The following SCN4A variants were observed in gnomAD, a reference collection of about 807,000 sequenced individuals.
SCN4A encodes the protein sodium channel protein type 4 subunit alpha.
SCN4A carries 83 observed loss-of-function variants against 162.0 expected under a neutral mutation model. That is an observed-to-expected ratio of 0.51 (90% CI 0.43 to 0.61). SCN4A has a LOEUF of 0.61. Among genes scored for constraint, SCN4A ranks in the 20% least tolerant of loss-of-function variants. The probability of loss-of-function intolerance (pLI) is 0.00; values close to 1 mark genes in which losing one functional copy is unlikely to be tolerated. For synonymous variants in SCN4A, 944 were observed against 985.1 expected, an observed-to-expected ratio of 0.96 and a Z score of 0.78; for missense variants, 2,196 against 2,462.5, an observed-to-expected ratio of 0.89 and a Z score of 2.29.
At position 63,951,327 on chromosome 17, in the gene SCN4A, C is replaced by T; in HGVS notation, c.2853+97G>A. The stretch of plus-strand genomic sequence containing the variant: ...GCCATAGGGCACCACCCCCATTTTA[C>T]AGCTGGAGAAACTGAGGCTCAGAGA... On this transcript the variant is annotated intron_variant, in intron 14 of 23. Transcript: ENST00000435607. This position sits in a 1 kb window ranked among gnomAD's most constrained non-coding sequence, Gnocchi z 4.5. 1 of 837,254 alleles carries T rather than the reference C, an allele frequency of 1.2e-6. No homozygotes were observed. The highest frequency in any genetic ancestry group is 1.9e-6 in the Non-Finnish European group (1 of 536,584). The allele number at this position is 837,254 out of a possible 1,614,324, so 51.9% of individuals were successfully genotyped here. A position where few individuals can be genotyped will look rare whatever the true frequency, so the allele number is the denominator to read the frequency against.
At chr17:63,947,400 G>A (rs1410687782) in intron 17 of SCN4A, among the ~76,000 whole-genome samples, 1 of 148,934 alleles carries the variant, frequency 6.7e-6, no homozygotes, top group African/African-American at 2.5e-5. Flanking sequence ...CTGTGAGTAG[G>A]AGGGATGGTA....
rs572380012 is a variant in SCN4A, at chr17:63,942,913, C to T, written c.4201G>A (p.Val1401Met). The T allele has an allele frequency of 1.3e-4, 210 of 1,614,016 alleles. 2 individuals carry two copies. The South Asian group carries it at 2.0e-3, about 15-fold the overall frequency. Residue 1401 changes from valine (V) to methionine (M), a missense_variant, in exon 23 of 24, where the codon GTG (valine) becomes ATG (methionine). Val to Met is a conservative substitution (Grantham distance 21). Coordinates refer to ENST00000435607, the MANE Select transcript of SCN4A (RefSeq NM_000334.4). ...IFIIIFTGEC[V>M]LKMLALRQYY... ...TGGCGCAGGGCGAGCATCTTGAGCA[C>T]GCACTCCCCTGTGAAGATGATGATG...
At chr17:63,961,093 C>A in intron 11 of SCN4A, 100 bp downstream of exon 11, 1 of 651,620 alleles carries the variant, frequency 1.5e-6, no homozygotes, top group Non-Finnish European at 2.6e-6. Flanking sequence ...CGCATGTGTC[C>A]CCCACCGTGC....
chr17:63,939,823 G>C lies in SCN4A; in HGVS notation c.*948C>G, dbSNP rs1316159885. ...GGGAGATGAGAAGGGAGATCTCTGA[G>C]GCTGGATGAGGCTCCTGGAGCCCTG... On this transcript the variant is annotated 3_prime_UTR_variant, in exon 24 of 24. Coordinates refer to ENST00000435607, the MANE Select transcript of SCN4A (RefSeq NM_000334.4). 6.6e-6 allele frequency: 1 copy of C among 152,288 alleles called. No homozygotes were observed. The highest frequency in any genetic ancestry group is 1.5e-5 in the Non-Finnish European group (1 of 68,104). 9.4% of individuals were successfully genotyped at this position (152,288 alleles called of 1,614,324 possible).
intron 13 of SCN4A, among the ~76,000 whole-genome samples, chr17:63,952,176 C>T (rs953023563): frequency 1.3e-5 from 2 of 151,924 alleles, no homozygotes; most frequent in African/African-American, 4.8e-5. Flanking sequence ...CAGGAACTCT[C>T]TCCATGACTG....
In SCN4A at chr17:63,968,103, T is replaced by G. The variant is rs757691952; in HGVS notation, c.956A>C (p.Tyr319Ser). The stretch of plus-strand genomic sequence containing the variant: ...ATGGCTGTTCCACGTGTCGTTGGCA[T>G]ACCATGAGTCATTGCCGTACCACAT... ...NEMWYGNDSW[Y>S]ANDTWNSHAS... Residue 319 changes from tyrosine (Y) to serine (S), a missense_variant, in exon 6 of 24, where the codon TAT becomes TCT. Coordinates refer to ENST00000435607, the MANE Select transcript of SCN4A (RefSeq NM_000334.4). 1.2e-6 allele frequency: 2 copies of G among 1,613,826 alleles called. No homozygotes were observed. Among genetic ancestry groups the G allele is most frequent in the African/African-American group, 2.7e-5 (2 of 74,926 alleles).
Position 63,945,423 on chromosome 17 carries a change from G to A in SCN4A, c.3657C>T (p.Arg1219=), listed in dbSNP as rs1908683456. 2.5e-6 allele frequency: 4 copies of A among 1,613,942 alleles called. No individual in the cohort carries two copies. Among genetic ancestry groups the A allele is most frequent in the Non-Finnish European group, 3.4e-6 (4 of 1,179,840 alleles). ...CESLMHTGQV[R]WLNVKVNYDN... ...CGTAGTTGACCTTGACATTGAGCCA[G>A]CGGACCTGGCCTGTGTGCATGAGGC... is the stretch of plus-strand genomic sequence containing the variant. Residue 1219 remains arginine, a synonymous_variant, in exon 19 of 24, where the codon CGC becomes CGT. Transcript: ENST00000435607. The surrounding 1 kb of genome is among the most constrained non-coding windows in gnomAD (Gnocchi z 4.4).
At chr17:63,964,363 C>G in intron 9 of SCN4A, 105 bp downstream of exon 9, 2 of 1,003,386 alleles carry the variant, frequency 2.0e-6, no homozygotes, top group Non-Finnish European at 3.0e-6. Context: ...ACCCCTACCC[C>G]TGTACCCTCC....
chr17:63,943,007 G>C lies in SCN4A; in HGVS notation c.4107C>G (p.Thr1369=). The part of the protein sequence containing the change: ...IMILICLNMV[T]MMVETDNQSQ... ...TCTGGTTGTCTGTCTCCACCATCAT[G>C]GTGACCATGTTGAGGCAGATGAGGA... Residue 1369 remains threonine, a synonymous_variant, in exon 23 of 24, where the codon ACC becomes ACG. Transcript: ENST00000435607. 6.2e-7 allele frequency: 1 copy of C among 1,613,960 alleles called. No homozygotes were observed. The highest frequency in any genetic ancestry group is 8.5e-7 in the Non-Finnish European group (1 of 1,179,834).
chr17:63,964,465 G>T lies in SCN4A; in HGVS notation c.1452+3C>A. 6.2e-7 allele frequency: 1 copy of T among 1,613,570 alleles called. No homozygotes were observed. Among genetic ancestry groups the T allele is most frequent in the South Asian group, 1.1e-5 (1 of 91,014 alleles). On this transcript the variant is annotated splice_donor_region_variant and intron_variant, in intron 9 of 23. Transcript: ENST00000435607. ...CCTCTATCTCCTTTCCCTGAGTCCA[G>T]ACCTTCTCCAGCTCCTCCTGGTGCT... is the stretch of plus-strand genomic sequence containing the variant.
At position 63,945,777 on chromosome 17, in the gene SCN4A, G is replaced by A. The variant is rs1908698420; in HGVS notation, c.3442-139C>T. On this transcript the variant is annotated intron_variant, in intron 18 of 23. Coordinates refer to ENST00000435607, the MANE Select transcript of SCN4A (RefSeq NM_000334.4). The surrounding 1 kb of genome is among the most constrained non-coding windows in gnomAD (Gnocchi z 4.4). ...CTTCCTAGAGGAGGGCCGACCTGCTGGGCTGTGTGTGTGCAGGTTGGGGGT... is the reference window on the plus strand; with the variant it reads ...CTTCCTAGAGGAGGGCCGACCTGCTAGGCTGTGTGTGTGCAGGTTGGGGGT... 6.3e-6 allele frequency: 5 copies of A among 795,110 alleles called. No individual in the cohort carries two copies. Among genetic ancestry groups the A allele is most frequent in the Non-Finnish European group, 8.2e-6 (4 of 485,436 alleles). 49.3% of individuals were successfully genotyped at this position (795,110 alleles called of 1,614,324 possible).
Position 63,949,467 on chromosome 17 carries a change from G to A in SCN4A, c.2915C>T (p.Pro972Leu). The A allele has an allele frequency of 6.2e-7, 1 of 1,612,104 alleles. No homozygotes were observed. Among genetic ancestry groups the A allele is most frequent in the South Asian group, 1.1e-5 (1 of 90,660 alleles). ...SSVCSTADYK[P>L]PEEDPEEQAE... ...CTGCTCCTCAGGGTCCTCCTCGGGG[G>A]GCTTGTAGTCAGCTGTGCTGCAGAC... Residue 972 changes from proline to leucine, a missense_variant, in exon 15 of 24, where the codon CCC (proline) becomes CTC (leucine). Pro to Leu is a moderately conservative substitution (Grantham distance 98). Coordinates refer to ENST00000435607, the MANE Select transcript of SCN4A (RefSeq NM_000334.4).
Position 63,972,085 on chromosome 17 carries a change from G to C in SCN4A, c.482+51C>G, listed in dbSNP as rs950236691. 7.9e-6 allele frequency: 11 copies of C among 1,400,914 alleles called. No individual in the cohort carries two copies. The Admixed American group carries it at 2.0e-4, about 26-fold the overall frequency. 86.8% of individuals were successfully genotyped at this position (1,400,914 alleles called of 1,614,324 possible). On this transcript the variant is annotated intron_variant, in intron 3 of 23. Transcript: ENST00000435607. This position sits in a 1 kb window ranked among gnomAD's most constrained non-coding sequence, Gnocchi z 4.3. ...GCACCACACAGAGGTGCAAACACCT[G>C]AGATGGGCTGTGTCCCAGGGCTGGG... is the stretch of plus-strand genomic sequence containing the variant.
In SCN4A at chr17:63,954,804, G is replaced by T. The variant is rs796527875; in HGVS notation, c.2376+2358C>A. 2.6e-5 allele frequency among the ~76,000 whole-genome samples: 4 copies of T among 152,200 alleles called. No homozygotes were observed. The South Asian group carries it at 8.3e-4, about 32-fold the overall frequency. On this transcript the variant is annotated intron_variant, in intron 13 of 23. Transcript: ENST00000435607. ...CCACAGAGCTGGGCTGGGAAAGGAT[G>T]TCAGTGGTGTGTTCGTGTGTGCATG... is the stretch of plus-strand genomic sequence containing the variant.
At position 63,972,141 on chromosome 17, in the gene SCN4A, ATTC is replaced by A. The variant is rs1476386105; in HGVS notation, c.474_476del (p.Lys158del). The A allele has an allele frequency of 6.2e-7, 1 of 1,612,190 alleles. No individual in the cohort carries two copies. The highest frequency in any genetic ancestry group is 2.2e-5 in the East Asian group (1 of 44,850). ...CAGGGAGCAGGGAGACTTACTCCAC[ATTC>A]TTGGACCAGGGAGGCGGGTCACTCA... On this transcript the variant is annotated inframe_deletion, in exon 3 of 24. Coordinates refer to ENST00000435607, the MANE Select transcript of SCN4A (RefSeq NM_000334.4). The surrounding 1 kb of genome is among the most constrained non-coding windows in gnomAD (Gnocchi z 4.3).
rs753525890 is a variant in SCN4A, at chr17:63,940,928, C to T, written c.5354G>A (p.Gly1785Glu). The T allele has an allele frequency of 1.2e-6, 2 of 1,613,968 alleles. No individual in the cohort carries two copies. Among genetic ancestry groups the T allele is most frequent in the South Asian group, 2.2e-5 (2 of 91,080 alleles). ...TMSKMYGHEN[G>E]NSSSPSPEEK... Reference sequence around the variant, plus strand: ...CTCCGGGCTTGGCGAGCTGCTGTTCCCATTCTCGTGGCCATACATCTTGCT... The same window carrying T: ...CTCCGGGCTTGGCGAGCTGCTGTTCTCATTCTCGTGGCCATACATCTTGCT... Residue 1785 changes from glycine (G) to glutamate (E), a missense_variant, in exon 24 of 24, where the codon GGG becomes GAG. Coordinates refer to ENST00000435607, the MANE Select transcript of SCN4A (RefSeq NM_000334.4).
chr17:63,968,209 G>A lies in SCN4A; in HGVS notation c.850C>T (p.Pro284Ser). 1 of 1,614,000 alleles carries A rather than the reference G, an allele frequency of 6.2e-7. No individual in the cohort carries two copies. Among genetic ancestry groups the A allele is most frequent in the Non-Finnish European group, 8.5e-7 (1 of 1,179,902 alleles). ...GNLRQKCVRW[P>S]PPFNDTNTTW... ...GTGTTGGTGTCGTTGAACGGCGGGG[G>A]CCAGCGCACACACTTCTGCCTCAGG... The change falls in exon 6 of 24, where the codon CCC becomes TCC. Residue 284 changes from proline (P) to serine (S), a missense_variant. Pro to Ser is a moderately conservative substitution (Grantham distance 74). Coordinates refer to ENST00000435607, the MANE Select transcript of SCN4A (RefSeq NM_000334.4).
intron 23 of SCN4A, 31 bp from the exon 24 acceptor site, chr17:63,942,024 A>C (rs893865001): frequency 2.6e-6 from 4 of 1,528,402 alleles, no homozygotes; most frequent in Admixed American, 4.0e-5. Context: ...GGACGCTGCC[A>C]CTGGGGAGGG....
In SCN4A at chr17:63,972,513, AGGCAGACAGATGGATGGAT is replaced by A. The variant is rs758439984; in HGVS notation, c.273+37_274-44del. The A allele has an allele frequency of 2.6e-5, 42 of 1,606,730 alleles. No individual in the cohort carries two copies. Among genetic ancestry groups the A allele is most frequent in the East Asian group, 2.0e-4 (9 of 44,688 alleles). ...CTGTGAGACCCAGGGACAGACAGAC[AGGCAGACAGATGGATGGAT>A]GGCAGACAGACAGAGGAAGCCTTCC... On this transcript the variant is annotated intron_variant, in intron 1 of 23. Transcript: ENST00000435607. This position sits in a 1 kb window ranked among gnomAD's most constrained non-coding sequence, Gnocchi z 4.3.
Sources: gnomAD v4.1 joint callset for allele counts (sites outside exome capture counted in the v4.1 genomes callset) on GRCh38, gnomAD v4.1.1 for gene constraint, Gnocchi (gnomAD v3.1) non-coding constraint, MANE v1.5 for transcripts, NCBI Gene and HGNC (gene_info 2026-07-23, HGNC 2026-07-21) for gene names.